ZNF567: variants seen among roughly 807,000 people sequenced by gnomAD.
The protein encoded by ZNF567 is zinc finger protein 567.
In ZNF567, 36 loss-of-function variants were observed where a neutral mutation model predicts 53.9. The ratio of observed to expected loss-of-function variants is 0.67; its 90% CI spans 0.51 to 0.88. ZNF567 has a LOEUF of 0.88. ZNF567 is among the 40% of genes least tolerant of loss of function. The pLI is 0.00. For synonymous variants in ZNF567, 224 were observed against 260.4 expected (o/e 0.86, Z 1.35); for missense variants, 619 against 764.7 (o/e 0.81, Z 2.25).
At chr19:36,724,185 T>C (rs2040325092), downstream of ZNF567, among the ~76,000 whole-genome samples, 1 of 151,660 alleles carries the variant, frequency 6.6e-6, no homozygotes, top group African/African-American at 2.4e-5. Flanking sequence ...TTTGTATTTT[T>C]AGTAGAGATA....
chr19:36,668,806 C>CT, the ZNF567 span: 1 of 152,172 alleles, frequency 6.6e-6, no homozygotes, highest in Non-Finnish European at 1.5e-5. Flanking sequence ...CTGCTTGTGT[C>CT]TGATTCTCAT....
chr19:36,716,864 C>T (rs1011229658), intron 5 of ZNF567, among the ~76,000 whole-genome samples: 6 of 151,956 alleles, frequency 3.9e-5, no homozygotes, highest in Non-Finnish European at 7.4e-5. Context: ...CTTGTTCTGT[C>T]GTCCAGGCTG....
At chr19:36,698,046 G>A (rs1280840308) in intron 3 of ZNF567, among the ~76,000 whole-genome samples, 2 of 151,128 alleles carry the variant, frequency 1.3e-5, no homozygotes, top group South Asian at 2.1e-4. Flanking sequence ...TTAGCATTAG[G>A]TATATCTCCT....
intron 3 of ZNF567, among the ~76,000 whole-genome samples, chr19:36,702,294 G>C (rs1485044324): frequency 1.3e-5 from 2 of 152,078 alleles, no homozygotes; most frequent in Non-Finnish European, 2.9e-5. Flanking sequence ...CGAGAGATCC[G>C]CTGTTAGTCT....
At chr19:36,706,517 C>T (rs1020764008) in intron 3 of ZNF567, among the ~76,000 whole-genome samples, 1 of 151,996 alleles carries the variant, frequency 6.6e-6, no homozygotes, top group Admixed American at 6.6e-5. Flanking sequence ...TGGTCTTGAG[C>T]TTTTGGGTTC....
At chr19:36,676,365 CA>C in the ZNF567 span, among the ~76,000 whole-genome samples, 1 of 135,196 alleles carries the variant, frequency 7.4e-6, no homozygotes, top group African/African-American at 2.7e-5. Context: ...TGCACCCAAC[CA>C]ACTTTTTTTT....
chr19:36,720,010 CCTT>C lies in ZNF567; in HGVS notation c.1289_1291del (p.Phe430del). ...TATATTTGTAATGAATGTGGGAAAT[CCTT>C]CTCCCAGAAGACAACCCTTGCTCTT... On this transcript the variant is annotated inframe_deletion, in exon 6 of 6. Coordinates refer to ENST00000682579, the MANE Select transcript of ZNF567 (RefSeq NM_001322917.1). The C allele has an allele frequency of 1.2e-6, 2 of 1,613,942 alleles. No individual in the cohort carries two copies. The highest frequency in any genetic ancestry group is 1.7e-5 in the Admixed American group (1 of 59,992).
rs1207039390 is a variant in ZNF567, at chr19:36,720,100, G to A, written c.1376G>A (p.Arg459His). Residue 459 changes from arginine to histidine, a missense_variant, in exon 6 of 6, where the codon CGC becomes CAC. Arg to His is a conservative substitution (Grantham distance 29). Transcript: ENST00000682579. ...TGTAGTGAATGTGGAAAGTCCTTCC[G>A]CCAGAAGACAACCCTTGTAGCACAT... ...YICSECGKSF[R>H]QKTTLVAHQR... is the part of the protein sequence containing the mutation. 1.5e-5 allele frequency: 25 copies of A among 1,614,040 alleles called. No individual in the cohort carries two copies. The highest frequency in any genetic ancestry group is 4.5e-5 in the East Asian group (2 of 44,878).
chr19:36,714,709 A>T (rs1046079707), intron 5 of ZNF567, among the ~76,000 whole-genome samples: 4 of 152,188 alleles, frequency 2.6e-5, no homozygotes, highest in Non-Finnish European at 4.4e-5. Context: ...GGTTCATTTT[A>T]CATGGCTTTT....
chr19:36,722,404 C>T (rs1452886765), downstream of ZNF567, among the ~76,000 whole-genome samples: 1 of 152,060 alleles, frequency 6.6e-6, no homozygotes, highest in African/African-American at 2.4e-5. Flanking sequence ...TGGGTTCAAA[C>T]GATTCTCCTA....
At chr19:36,694,773 CTTTTT>C in intron 2 of ZNF567, 24 bp from the exon 3 acceptor site, 1 of 1,289,786 alleles carries the variant, frequency 7.8e-7, no homozygotes, top group South Asian at 1.4e-5. Flanking sequence ...TCTCATGTGG[CTTTTT>C]TTGTCTCGGC....
the ZNF567 span, among the ~76,000 whole-genome samples, chr19:36,675,108 A>T: frequency 6.6e-6 from 1 of 152,212 alleles, no homozygotes; most frequent in South Asian, 2.1e-4. Flanking sequence ...AATGCCTTAA[A>T]CATACATTCT....
intron 3 of ZNF567, among the ~76,000 whole-genome samples, chr19:36,703,078 G>C (rs932912120): frequency 6.6e-6 from 1 of 152,086 alleles, no homozygotes; most frequent in Non-Finnish European, 1.5e-5. Flanking sequence ...GGTCTTTGAT[G>C]ATGGTGATGT....
intron 3 of ZNF567, among the ~76,000 whole-genome samples, chr19:36,701,642 G>C (rs1358227977): frequency 6.6e-6 from 1 of 150,964 alleles, no homozygotes; most frequent in Non-Finnish European, 1.5e-5. Flanking sequence ...AGGATAGTTA[G>C]CTCTTCTTGT....
chr19:36,726,767 G>C (rs2040336229), downstream of ZNF567, among the ~76,000 whole-genome samples: 1 of 152,124 alleles, frequency 6.6e-6, no homozygotes, highest in Admixed American at 6.5e-5. Context: ...TGGAAATCCA[G>C]ATTCCCCAAA....
chr19:36,701,554 G>C (rs1004924453), intron 3 of ZNF567, among the ~76,000 whole-genome samples: 41 of 152,116 alleles, frequency 2.7e-4, no homozygotes, highest in African/African-American at 9.9e-4. Context: ...TATTGTGTGG[G>C]AGTCTAAGTC....
In ZNF567 at chr19:36,696,880, C is replaced by T. The variant is rs571218924; in HGVS notation, c.9+2004C>T. On this transcript the variant is annotated intron_variant, in intron 3 of 5. Transcript: ENST00000682579. ...GCGTATAATTCAAAGCCATTAAGTA[C>T]GTTCACAAGTTGTGTAACTGTCACC... 2.1e-3 allele frequency among the ~76,000 whole-genome samples: 325 copies of T among 152,288 alleles called. 1 individual carries two copies. Among genetic ancestry groups the T allele is most frequent in the African/African-American group, 7.6e-3 (316 of 41,560 alleles).
the ZNF567 span, among the ~76,000 whole-genome samples, chr19:36,682,216 G>A: frequency 6.7e-6 from 1 of 149,222 alleles, no homozygotes; most frequent in Non-Finnish European, 1.5e-5. Context: ...CTAGGAGTTT[G>A]AGGTGGCAGT....
downstream of ZNF567, chr19:36,727,055 A>T (rs1260028406): frequency 3.7e-5 from 2 of 53,432 alleles, no homozygotes; most frequent in African/African-American, 7.4e-5. Flanking sequence ...GATCAATTTT[A>T]TTTATTTATT....
Sources: allele counts gnomAD v4.1 joint callset (sites outside exome capture counted in the v4.1 genomes callset), GRCh38; gene constraint gnomAD v4.1.1; transcripts MANE v1.5; gene names NCBI Gene and HGNC (gene_info 2026-07-23, HGNC 2026-07-21).